Variants in CHLSN observed in about 807,000 individuals in gnomAD.
CHLSN encodes cholesin.
chr7:987,944 C>CCTGTGTCCTGGGGGTCCCCT, the CHLSN span, among the ~76,000 whole-genome samples: 1 of 125,312 alleles, frequency 8.0e-6, no homozygotes, highest in African/African-American at 3.6e-5. Context: ...GGGGGGGTCC[C>CCTGTGTCCTGGGGGTCCCCT]CTGTGTGTCC....
the CHLSN span, among the ~76,000 whole-genome samples, chr7:1,101,693 G>C: frequency 6.6e-6 from 1 of 152,224 alleles, no homozygotes; most frequent in African/African-American, 2.4e-5. Flanking sequence ...TCCTGAGAGG[G>C]CCCACTCAGC....
the CHLSN span, among the ~76,000 whole-genome samples, chr7:1,111,026 G>A: frequency 1.3e-5 from 2 of 152,092 alleles, no homozygotes; most frequent in Non-Finnish European, 2.9e-5. Context: ...CAGTGAGCCG[G>A]GATCGCACCA....
the CHLSN span, among the ~76,000 whole-genome samples, chr7:1,075,779 A>T: frequency 1.3e-5 from 2 of 151,256 alleles, no homozygotes; most frequent in African/African-American, 2.4e-5. Flanking sequence ...CTCCCAGCTA[A>T]TTTTTTGTAT....
At chr7:1,059,713 C>T in the CHLSN span, among the ~76,000 whole-genome samples, 2 of 16,338 alleles carry the variant, frequency 1.2e-4, no homozygotes, top group African/African-American at 2.2e-4. Flanking sequence ...TGAGGTGGGT[C>T]TTAGCGGGGC....
the CHLSN span, among the ~76,000 whole-genome samples, chr7:1,066,488 T>C: frequency 6.6e-6 from 1 of 152,124 alleles, no homozygotes; most frequent in Non-Finnish European, 1.5e-5. Flanking sequence ...CTACAAACTG[T>C]CCCAGGATCC....
At chr7:1,024,271 G>A in the CHLSN span, among the ~76,000 whole-genome samples, 4 of 152,200 alleles carry the variant, frequency 2.6e-5, no homozygotes. Flanking sequence ...CAGGAGCTCA[G>A]AAGCCTCAGC....
the CHLSN span, among the ~76,000 whole-genome samples, chr7:1,105,737 C>G: frequency 6.6e-6 from 1 of 152,206 alleles, no homozygotes; most frequent in Admixed American, 6.5e-5. Flanking sequence ...GCCTCAGCCT[C>G]CTGAGTAGCT....
chr7:1,105,161 A>G, the CHLSN span, among the ~76,000 whole-genome samples: 1 of 152,258 alleles, frequency 6.6e-6, no homozygotes, highest in Non-Finnish European at 1.5e-5. Context: ...AGCATGGACA[A>G]GCCACAGGCT....
At chr7:1,091,354 C>G in the CHLSN span, 1 of 192,142 alleles carries the variant, frequency 5.2e-6, no homozygotes, top group African/African-American at 2.3e-5. Flanking sequence ...CAGGCCTTGT[C>G]CCAAAGCTGG....
At chr7:1,017,879 G>A in the CHLSN span, among the ~76,000 whole-genome samples, 2 of 152,242 alleles carry the variant, frequency 1.3e-5, no homozygotes, top group Non-Finnish European at 2.9e-5. Context: ...TTGGTGGGAT[G>A]GCGCCTCGCC....
the CHLSN span, chr7:1,091,877 C>A: frequency 6.2e-7 from 1 of 1,613,782 alleles, no homozygotes; most frequent in South Asian, 1.1e-5. Flanking sequence ...GGTGAGCTCT[C>A]GGAGCACCAG....
the CHLSN span, among the ~76,000 whole-genome samples, chr7:1,016,625 A>G: frequency 1.5e-5 from 2 of 129,308 alleles, no homozygotes; most frequent in Non-Finnish European, 3.3e-5. Flanking sequence ...ACGCCAGAGC[A>G]CAGTAGCGCA....
the CHLSN span, chr7:983,163 G>T: frequency 2.1e-6 from 3 of 1,427,626 alleles, no homozygotes; most frequent in South Asian, 3.0e-5. Context: ...TAAGGGTGCG[G>T]GGGGGACGGG....
the CHLSN span, chr7:1,058,724 C>T: frequency 1.0e-5 from 6 of 590,992 alleles, no homozygotes; most frequent in African/African-American, 5.6e-5. Context: ...TGAGTCTCCC[C>T]GAGGCCTGTG....
the CHLSN span, among the ~76,000 whole-genome samples, chr7:1,076,526 TAA>T: frequency 1.3e-5 from 2 of 152,148 alleles, no homozygotes; most frequent in African/African-American, 4.8e-5. Flanking sequence ...GGGCACCGTG[TAA>T]AGAGGCCCGA....
chr7:1,038,910 C>T, the CHLSN span, among the ~76,000 whole-genome samples: 22 of 66,624 alleles, frequency 3.3e-4, 3 homozygotes, highest in South Asian at 5.8e-4. Context: ...CCCGGCCAGC[C>T]GCCCCGTCTG....
At chr7:1,100,883 G>A in the CHLSN span, among the ~76,000 whole-genome samples, 16 of 152,252 alleles carry the variant, frequency 1.1e-4, no homozygotes, top group Admixed American at 9.8e-4. Flanking sequence ...AGTCTCCCGG[G>A]AACGGCTGAG....
At chr7:1,000,414 C>G in the CHLSN span, 2 of 1,139,716 alleles carry the variant, frequency 1.8e-6, no homozygotes, top group Non-Finnish European at 2.4e-6. Flanking sequence ...CGTGCCTGCC[C>G]CGCCGTGCAC....
At chr7:1,134,144 G>A in the CHLSN span, among the ~76,000 whole-genome samples, 164 of 152,102 alleles carry the variant, frequency 1.1e-3, no homozygotes, top group African/African-American at 3.7e-3. Flanking sequence ...ATGGTGGTGC[G>A]TGCCTGTAGT....
Sources: allele counts gnomAD v4.1 joint callset (sites outside exome capture counted in the v4.1 genomes callset), GRCh38; gene constraint gnomAD v4.1.1; transcripts MANE v1.5; gene names NCBI Gene and HGNC (gene_info 2026-07-23, HGNC 2026-07-21).